ASCC3: variants seen among roughly 807,000 people sequenced by gnomAD.
The protein encoded by ASCC3 is activating signal cointegrator 1 complex subunit 3, also known as ASC-1 complex subunit P200.
Under a neutral mutation model 256.3 loss-of-function variants are expected in ASCC3, and 158 were observed. That is an observed-to-expected ratio of 0.62 (90% CI 0.54 to 0.70). The LOEUF (loss-of-function observed/expected upper bound fraction) is 0.70. Ranked by LOEUF, ASCC3 falls within the 30% of genes least tolerant of loss-of-function variation. The probability of loss-of-function intolerance (pLI) is 0.00; values close to 1 mark genes in which losing one functional copy is unlikely to be tolerated. For synonymous variants in ASCC3, 948 were observed against 883.4 expected, an observed-to-expected ratio of 1.07 and a Z score of -1.30; for missense variants, 2,259 against 2,626.0, an observed-to-expected ratio of 0.86 and a Z score of 3.05.
At position 100,868,039 on chromosome 6, in the gene ASCC3, C is replaced by T. The variant is rs376454370; in HGVS notation, c.-41-1G>A. 21 of 1,433,476 alleles carry T rather than the reference C, an allele frequency of 1.5e-5. No individual in the cohort carries two copies. The African/African-American group carries it at 2.7e-4, about 18-fold the overall frequency. The allele number at this position is 1,433,476 out of a possible 1,614,324, so 88.8% of individuals were successfully genotyped here. A position where few individuals can be genotyped will look rare whatever the true frequency, so the allele number is the denominator to read the frequency against. On this transcript the variant is annotated splice_acceptor_variant, in intron 1 of 41. Coordinates refer to ENST00000369162, the MANE Select transcript of ASCC3 (RefSeq NM_006828.4). LOFTEE classifies it low-confidence loss of function (5UTR_SPLICE). Reference sequence around the variant, plus strand: ...GATCCATACAGCAAGAAACCTGAAACTGAAACAAAACAAGATGATATTTAT... The same window carrying T: ...GATCCATACAGCAAGAAACCTGAAATTGAAACAAAACAAGATGATATTTAT...
In ASCC3 at chr6:100,848,367, T is replaced by C; in HGVS notation, c.582A>G (p.Leu194=). The C allele has an allele frequency of 6.2e-7, 1 of 1,613,972 alleles. No individual in the cohort carries two copies. Among genetic ancestry groups the C allele is most frequent in the Non-Finnish European group, 8.5e-7 (1 of 1,179,992 alleles). The change falls in exon 4 of 42, where the codon CTA becomes CTG. Residue 194 remains leucine, a synonymous_variant. Transcript: ENST00000369162. ...INGETQKTIS[L]DYKKFLNEHL... is the part of the protein sequence containing the mutation. ...GTTCATTCAGAAACTTCTTATAATCTAGGCTTATAGTTTTCTGAGTTTCAC... is the reference window on the plus strand; with the variant it reads ...GTTCATTCAGAAACTTCTTATAATCCAGGCTTATAGTTTTCTGAGTTTCAC...
chr6:100,679,395 G>A (rs12660722), intron 14 of ASCC3, among the ~76,000 whole-genome samples: 6,468 of 152,090 alleles, frequency 0.043, 241 homozygotes, highest in East Asian at 0.19. Context: ...AGCAGGACTA[G>A]GCACTTCAAT....
At chr6:100,592,608 A>G (rs1772061242) in intron 34 of ASCC3, among the ~76,000 whole-genome samples, 1 of 152,100 alleles carries the variant, frequency 6.6e-6, no homozygotes, top group African/African-American at 2.4e-5. Flanking sequence ...TAAGGAATAG[A>G]GTACAGATTT....
At chr6:100,877,423 A>C (rs1774055081) in intron 1 of ASCC3, among the ~76,000 whole-genome samples, 1 of 152,196 alleles carries the variant, frequency 6.6e-6, no homozygotes, top group South Asian at 2.1e-4. Context: ...GTGAATAAGA[A>C]TATTTATATT....
At chr6:100,640,377 T>C (rs1469998326) in intron 24 of ASCC3, among the ~76,000 whole-genome samples, 27 of 152,292 alleles carry the variant, frequency 1.8e-4, no homozygotes, top group Non-Finnish European at 4.4e-5. Context: ...ATCATTGAGG[T>C]TACTTTGTAT....
At chr6:100,851,466 T>C (rs777318820) in intron 3 of ASCC3, among the ~76,000 whole-genome samples, 1 of 152,180 alleles carries the variant, frequency 6.6e-6, no homozygotes, top group Non-Finnish European at 1.5e-5. Context: ...AAAAAGTCCA[T>C]TAATAGTGGG....
chr6:100,634,981 C>T (rs1774768479), intron 25 of ASCC3, among the ~76,000 whole-genome samples: 1 of 151,774 alleles, frequency 6.6e-6, no homozygotes, highest in Admixed American at 6.6e-5. Context: ...ACTGTACAGC[C>T]ATTATGGAAG....
At chr6:100,812,716 G>A (rs2114390989) in intron 4 of ASCC3, among the ~76,000 whole-genome samples, 1 of 152,266 alleles carries the variant, frequency 6.6e-6, no homozygotes, top group Non-Finnish European at 1.5e-5. Context: ...GATTGCTTGA[G>A]GCCAGTAGTT....
At position 100,608,463 on chromosome 6, in the gene ASCC3, T is replaced by C. The variant is rs191514381; in HGVS notation, c.4786-1375A>G. On this transcript the variant is annotated intron_variant, in intron 30 of 41. Transcript: ENST00000369162. ...TTATATATATTTTATATATATATAC[T>C]TTATATATATATACTTTATATATAT... Among the ~76,000 whole-genome samples the C allele has an allele frequency of 6.8e-4, 15 of 22,026 alleles. 5 individuals are homozygous for C. Among genetic ancestry groups the C allele is most frequent in the African/African-American group, 3.0e-3 (14 of 4,734 alleles). The allele number at this position is 22,026 out of a possible 152,430, so 14.4% of individuals were successfully genotyped here. A position where few individuals can be genotyped will look rare whatever the true frequency, so the allele number is the denominator to read the frequency against.
At chr6:100,587,290 C>T (rs1771750662) in intron 36 of ASCC3, among the ~76,000 whole-genome samples, 1 of 149,460 alleles carries the variant, frequency 6.7e-6, no homozygotes, top group African/African-American at 2.5e-5. Context: ...ATTTGGTAGT[C>T]TTTTCATGGT....
intron 32 of ASCC3, 43 bp from the exon 33 acceptor site, chr6:100,605,743 T>A: frequency 6.3e-7 from 1 of 1,592,202 alleles, no homozygotes. Context: ...ATGTGGCATA[T>A]AGCACAAGGT....
chr6:100,563,539 CA>C (rs1296233594), intron 36 of ASCC3, among the ~76,000 whole-genome samples: 2 of 152,064 alleles, frequency 1.3e-5, no homozygotes, highest in African/African-American at 4.8e-5. Flanking sequence ...CCAAAGTGTA[CA>C]AACTGTCCTG....
Position 100,718,096 on chromosome 6 carries a change from C to A in ASCC3, c.2058G>T (p.Leu686Phe). Residue 686 changes from leucine (L) to phenylalanine (F), a missense_variant, in exon 12 of 42, where the codon TTG becomes TTT. Physicochemically the swap from Leu to Phe is conservative, Grantham distance 22 (BLOSUM62 0). Transcript: ENST00000369162. ...TTACCTTATTTGCACATTTAATCCCCAAAAATGTCTGTCCAAGAGGTACTG... is the reference window on the plus strand; with the variant it reads ...TTACCTTATTTGCACATTTAATCCCAAAAAATGTCTGTCCAAGAGGTACTG... ...FRPVPLGQTF[L>F]GIKCANKMQQ... The A allele has an allele frequency of 6.2e-7, 1 of 1,613,204 alleles. No individual in the cohort carries two copies. Among genetic ancestry groups the A allele is most frequent in the Non-Finnish European group, 8.5e-7 (1 of 1,179,586 alleles).
At chr6:100,702,879 G>T (rs941683461) in intron 13 of ASCC3, among the ~76,000 whole-genome samples, 3 of 152,034 alleles carry the variant, frequency 2.0e-5, no homozygotes, top group Admixed American at 6.6e-5. Context: ...AATTTTCCTT[G>T]ATATTTAGTT....
chr6:100,537,611 CT>C (rs1196043325), intron 37 of ASCC3, among the ~76,000 whole-genome samples: 2 of 151,696 alleles, frequency 1.3e-5, no homozygotes, highest in Admixed American at 6.6e-5. Flanking sequence ...ATTTTACAAA[CT>C]TTTTGTAAGC....
chr6:100,749,743 A>G (rs1397078341), intron 10 of ASCC3, among the ~76,000 whole-genome samples: 1 of 151,946 alleles, frequency 6.6e-6, no homozygotes, highest in African/African-American at 2.4e-5. Flanking sequence ...GTTAAAATCA[A>G]TGATGAATCC....
At chr6:100,740,402 T>C (rs1350213676) in intron 10 of ASCC3, among the ~76,000 whole-genome samples, 1 of 152,226 alleles carries the variant, frequency 6.6e-6, no homozygotes, top group African/African-American at 2.4e-5. Flanking sequence ...GAGAAATGTA[T>C]ATTCTGTTGA....
chr6:100,794,486 T>C lies in ASCC3; in HGVS notation c.1395+4227A>G, dbSNP rs536056936. On this transcript the variant is annotated intron_variant, in intron 8 of 41. Transcript: ENST00000369162. Reference sequence around the variant, plus strand: ...TCATGAAAGCTTCTTCCTTGATCTCTTTAGTCTGCCTTTTCTGCTGCCATA... The same window carrying C: ...TCATGAAAGCTTCTTCCTTGATCTCCTTAGTCTGCCTTTTCTGCTGCCATA... Among the ~76,000 whole-genome samples, 175 of 152,198 alleles carry C rather than the reference T, an allele frequency of 1.1e-3. 1 individual carries two copies. The highest frequency in any genetic ancestry group is 6.8e-3 in the Middle Eastern group (2 of 294).
intron 2 of ASCC3, among the ~76,000 whole-genome samples, chr6:100,867,272 C>T (rs1197947752): frequency 6.6e-6 from 1 of 152,104 alleles, no homozygotes; most frequent in Non-Finnish European, 1.5e-5. Context: ...GGAAACTTTT[C>T]CATACCATAA....
Sources: allele counts gnomAD v4.1 joint callset (sites outside exome capture counted in the v4.1 genomes callset), GRCh38; gene constraint gnomAD v4.1.1; transcripts MANE v1.5; gene names NCBI Gene and HGNC (gene_info 2026-07-23, HGNC 2026-07-21).